The following DRC11 variants were observed in gnomAD, a reference collection of about 807,000 sequenced individuals.
DRC11 encodes dynein regulatory complex subunit 11.
chr2:236,318,066 C>A, the DRC11 span, among the ~76,000 whole-genome samples: 2 of 152,184 alleles, frequency 1.3e-5, no homozygotes, highest in Non-Finnish European at 2.9e-5. This position sits in a 1 kb window ranked among gnomAD's most constrained non-coding sequence, Gnocchi z 7.0. Context: ...AGTGGTGCAG[C>A]GCTTCTGGCC....
At chr2:236,307,044 A>T in the DRC11 span, among the ~76,000 whole-genome samples, 1 of 152,134 alleles carries the variant, frequency 6.6e-6, no homozygotes, top group African/African-American at 2.4e-5. The surrounding 1 kb of genome is among the most constrained non-coding windows in gnomAD (Gnocchi z 7.0). Flanking sequence ...TGTGGGATGG[A>T]GTCTTCACTT....
chr2:236,448,611 C>A, the DRC11 span, among the ~76,000 whole-genome samples: 3 of 152,040 alleles, frequency 2.0e-5, no homozygotes, highest in Admixed American at 1.3e-4. The surrounding 1 kb of genome is among the most constrained non-coding windows in gnomAD (Gnocchi z 5.3). Flanking sequence ...GCCGGGATTA[C>A]AGGCATGAGC....
chr2:236,459,660 C>CGTATATATATACATAT, the DRC11 span, among the ~76,000 whole-genome samples: 1 of 101,502 alleles, frequency 9.9e-6, no homozygotes, highest in African/African-American at 3.3e-5. Context: ...TATGTATATA[C>CGTATATATATACATAT]ATACGTATAT....
At chr2:236,411,228 C>T in the DRC11 span, among the ~76,000 whole-genome samples, 340 of 152,086 alleles carry the variant, frequency 2.2e-3, 1 homozygote, top group Non-Finnish European at 3.5e-3. Context: ...ATCAAAAAGT[C>T]GGTGAAGGAC....
the DRC11 span, chr2:236,407,875 C>A: frequency 2.2e-3 from 814 of 372,434 alleles, 7 homozygotes; most frequent in African/African-American, 0.016. Context: ...GCAATTTGGT[C>A]TTTCTTGAGT....
At chr2:236,380,401 G>T in the DRC11 span, among the ~76,000 whole-genome samples, 17 of 152,350 alleles carry the variant, frequency 1.1e-4, no homozygotes, top group Middle Eastern at 3.4e-3. The surrounding 1 kb of genome is among the most constrained non-coding windows in gnomAD (Gnocchi z 4.9). Context: ...GGCCACCCAG[G>T]CATCTTTCCA....
the DRC11 span, among the ~76,000 whole-genome samples, chr2:236,416,943 A>G: frequency 6.6e-6 from 1 of 151,104 alleles, no homozygotes; most frequent in Non-Finnish European, 1.5e-5. Flanking sequence ...GTATTTTTGT[A>G]GAGATGGGGT....
At chr2:236,355,230 T>C in the DRC11 span, among the ~76,000 whole-genome samples, 1 of 152,124 alleles carries the variant, frequency 6.6e-6, no homozygotes, top group South Asian at 2.1e-4. Context: ...TGGGCGCTAG[T>C]GAGGTGTCTG....
At chr2:236,317,304 A>G in the DRC11 span, among the ~76,000 whole-genome samples, 3 of 152,018 alleles carry the variant, frequency 2.0e-5, no homozygotes, top group African/African-American at 7.2e-5. The surrounding 1 kb of genome is among the most constrained non-coding windows in gnomAD (Gnocchi z 5.4). Flanking sequence ...CGGGGGAAAA[A>G]AAAAAAAAGA....
the DRC11 span, among the ~76,000 whole-genome samples, chr2:236,356,931 TTTATATA>T: frequency 7.3e-6 from 1 of 137,148 alleles, no homozygotes; most frequent in East Asian, 2.0e-4. Flanking sequence ...TTCATATATA[TTTATATA>T]TTATATATTC....
chr2:236,446,738 G>A, the DRC11 span, among the ~76,000 whole-genome samples: 2 of 152,192 alleles, frequency 1.3e-5, no homozygotes, highest in African/African-American at 4.8e-5. This position sits in a 1 kb window ranked among gnomAD's most constrained non-coding sequence, Gnocchi z 6.2. Context: ...AACTGGAATC[G>A]CAAAATGCTG....
At chr2:236,493,948 T>C in the DRC11 span, 2 of 1,438,886 alleles carry the variant, frequency 1.4e-6, no homozygotes, top group South Asian at 2.8e-5. Flanking sequence ...TAGAACTTTA[T>C]TTAAAATATA....
the DRC11 span, among the ~76,000 whole-genome samples, chr2:236,490,694 A>G: frequency 1.3e-5 from 2 of 152,034 alleles, no homozygotes; most frequent in African/African-American, 2.4e-5. This position sits in a 1 kb window ranked among gnomAD's most constrained non-coding sequence, Gnocchi z 5.5. Flanking sequence ...CATGTCAAAC[A>G]TTTTTAAGCA....
chr2:236,394,570 G>A, the DRC11 span, among the ~76,000 whole-genome samples: 1 of 151,988 alleles, frequency 6.6e-6, no homozygotes, highest in Admixed American at 6.5e-5. The surrounding 1 kb of genome is among the most constrained non-coding windows in gnomAD (Gnocchi z 7.0). Context: ...GGTGGAGGTT[G>A]CAGTGAGCTG....
At chr2:236,450,739 C>T in the DRC11 span, among the ~76,000 whole-genome samples, 5 of 133,198 alleles carry the variant, frequency 3.8e-5, no homozygotes, top group East Asian at 2.0e-4. Context: ...TCATTTCCAT[C>T]GATTTCTGTC....
At chr2:236,381,051 C>T in the DRC11 span, among the ~76,000 whole-genome samples, 1 of 152,136 alleles carries the variant, frequency 6.6e-6, no homozygotes, top group East Asian at 1.9e-4. The surrounding 1 kb of genome is among the most constrained non-coding windows in gnomAD (Gnocchi z 5.8). Context: ...AAGCCTACCC[C>T]CAAGGTGCTG....
the DRC11 span, chr2:236,363,800 T>C: frequency 1.2e-6 from 2 of 1,613,472 alleles, no homozygotes; most frequent in Non-Finnish European, 8.5e-7. The surrounding 1 kb of genome is among the most constrained non-coding windows in gnomAD (Gnocchi z 5.6). Context: ...GCATGCAGCA[T>C]CATTTGGAGG....
the DRC11 span, among the ~76,000 whole-genome samples, chr2:236,352,451 C>T: frequency 0.035 from 5,366 of 152,162 alleles, 303 homozygotes; most frequent in African/African-American, 0.12. The surrounding 1 kb of genome is among the most constrained non-coding windows in gnomAD (Gnocchi z 7.0). Context: ...ATCTTCCTTG[C>T]ACCACAGACA....
the DRC11 span, among the ~76,000 whole-genome samples, chr2:236,357,518 ATT>A: frequency 3.8e-3 from 482 of 126,814 alleles, 4 homozygotes; most frequent in African/African-American, 0.013. Flanking sequence ...TTATAAATAT[ATT>A]TATATATTAT....
Sources: gnomAD v4.1 joint callset for allele counts (sites outside exome capture counted in the v4.1 genomes callset) on GRCh38, gnomAD v4.1.1 for gene constraint, Gnocchi (gnomAD v3.1) non-coding constraint, MANE v1.5 for transcripts, NCBI Gene and HGNC (gene_info 2026-07-23, HGNC 2026-07-21) for gene names.